FAM53A: variants seen among roughly 807,000 people sequenced by gnomAD.
FAM53A encodes the protein protein FAM53A.
A neutral mutation model predicts 26.6 loss-of-function variants in FAM53A; 28 were observed. The ratio of observed to expected loss-of-function variants is 1.05; its 90% CI spans 0.78 to 1.45. The LOEUF is 1.45. FAM53A is among the 40% of genes most tolerant of loss of function. FAM53A has a pLI of 0.00. For missense variants in FAM53A, 650 were observed against 575.8 expected (o/e 1.13, Z -1.32); for synonymous variants, 290 against 253.1 (o/e 1.15, Z -1.38).
intron 4 of FAM53A, among the ~76,000 whole-genome samples, chr4:1,652,076 TCA>T (rs1255469630): frequency 4.5e-5 from 1 of 22,100 alleles, no homozygotes; most frequent in South Asian, 1.2e-3. Flanking sequence ...CATACACCAG[TCA>T]CACACACATC....
chr4:1,649,887 T>A (rs1481766837), intron 4 of FAM53A, among the ~76,000 whole-genome samples: 2 of 140,508 alleles, frequency 1.4e-5, no homozygotes, highest in African/African-American at 5.5e-5. Flanking sequence ...GTTTGTGAGG[T>A]GGCACAGGCG....
the FAM53A span, among the ~76,000 whole-genome samples, chr4:1,579,888 C>T: frequency 2.0e-5 from 3 of 152,224 alleles, no homozygotes; most frequent in African/African-American, 7.2e-5. Context: ...AAACTTCCTC[C>T]TAACAGCCGC....
the FAM53A span, among the ~76,000 whole-genome samples, chr4:1,589,915 T>A: frequency 6.6e-6 from 1 of 152,232 alleles, no homozygotes; most frequent in Non-Finnish European, 1.5e-5. Context: ...GCTTTTTCTT[T>A]ATTTACATCT....
intron 4 of FAM53A, among the ~76,000 whole-genome samples, chr4:1,643,450 A>G (rs974068213): frequency 6.6e-6 from 1 of 151,974 alleles, no homozygotes; most frequent in Non-Finnish European, 1.5e-5. Context: ...TGGGAGACAG[A>G]GTGAGACTCT....
chr4:1,621,447 A>G (rs1179959120), intron 1 of FAM53A, among the ~76,000 whole-genome samples: 7 of 152,028 alleles, frequency 4.6e-5, no homozygotes, highest in Non-Finnish European at 8.8e-5. Context: ...CCTGTCTAAC[A>G]CTTTCACTCA....
At chr4:1,599,960 TCTCCCTTCCC>T in the FAM53A span, among the ~76,000 whole-genome samples, 10 of 137,874 alleles carry the variant, frequency 7.3e-5, 1 homozygote, top group African/African-American at 2.5e-4. This position sits in a 1 kb window ranked among gnomAD's most constrained non-coding sequence, Gnocchi z 6.1. Flanking sequence ...CTCCTCTCCC[TCTCCCTTCCC>T]CTGATGCAGG....
Position 1,673,914 on chromosome 4 carries a change from G to A in FAM53A, c.-164-5009C>T, listed in dbSNP as rs528737222. On this transcript the variant is annotated intron_variant, in intron 1 of 4. Transcript: ENST00000308132. ...CCCTGCTGGGAGCCCAGGAGACGAC[G>A]GGGATTGTGAGTGCTGGGCAGGGAA... Among the ~76,000 whole-genome samples the A allele has an allele frequency of 1.4e-4, 22 of 152,364 alleles. No homozygotes were observed. The South Asian group carries it at 3.3e-3, about 23-fold the overall frequency.
At chr4:1,596,260 G>A in the FAM53A span, among the ~76,000 whole-genome samples, 3 of 152,214 alleles carry the variant, frequency 2.0e-5, no homozygotes, top group Non-Finnish European at 4.4e-5. Context: ...ACGCTGGGCT[G>A]GCAGGTCCCC....
the FAM53A span, among the ~76,000 whole-genome samples, chr4:1,577,474 T>C: frequency 2.0e-5 from 3 of 152,170 alleles, no homozygotes; most frequent in African/African-American, 7.2e-5. Flanking sequence ...CGTGGACTGC[T>C]GGCCAGAGTG....
At chr4:1,637,026 G>C (rs1026365391), downstream of FAM53A, among the ~76,000 whole-genome samples, 1 of 152,324 alleles carries the variant, frequency 6.6e-6, no homozygotes, top group South Asian at 2.1e-4. Flanking sequence ...AGGAGCTCCC[G>C]CTGCACCAGA....
chr4:1,610,571 G>A, the FAM53A span, among the ~76,000 whole-genome samples: 3 of 152,160 alleles, frequency 2.0e-5, no homozygotes, highest in East Asian at 5.8e-4. Context: ...CAACAGGGAG[G>A]GCAGTGGGGG....
intron 1 of FAM53A, among the ~76,000 whole-genome samples, chr4:1,673,427 C>T (rs1200626564): frequency 6.6e-6 from 1 of 152,200 alleles, no homozygotes; most frequent in Non-Finnish European, 1.5e-5. Context: ...ACGCTCATAA[C>T]TCACAGACTT....
chr4:1,657,500 C>CT, intron 2 of FAM53A, 32 bp from the exon 3 acceptor site: 2 of 1,598,506 alleles, frequency 1.3e-6, no homozygotes, highest in Non-Finnish European at 1.7e-6. Flanking sequence ...AATACTGTGA[C>CT]TGACACGTGA....
chr4:1,577,912 G>A, the FAM53A span, among the ~76,000 whole-genome samples: 1 of 151,936 alleles, frequency 6.6e-6, no homozygotes, highest in African/African-American at 2.4e-5. Context: ...CGGGTCGGGG[G>A]CTGCAGGTGA....
At chr4:1,597,550 G>T in the FAM53A span, among the ~76,000 whole-genome samples, 1 of 152,112 alleles carries the variant, frequency 6.6e-6, no homozygotes, top group Admixed American at 6.5e-5. Flanking sequence ...CCCTCCCTCA[G>T]AACTGACCCA....
the FAM53A span, among the ~76,000 whole-genome samples, chr4:1,594,663 G>A: frequency 2.6e-5 from 4 of 151,932 alleles, no homozygotes; most frequent in Non-Finnish European, 5.9e-5. Flanking sequence ...GGCAACATAG[G>A]GAGACTCCAT....
At chr4:1,582,005 C>G in the FAM53A span, among the ~76,000 whole-genome samples, 1 of 152,134 alleles carries the variant, frequency 6.6e-6, no homozygotes, top group African/African-American at 2.4e-5. Context: ...GATCCTCCTG[C>G]CTTGGCCTCC....
At chr4:1,676,169 G>A (rs1013538442) in intron 1 of FAM53A, among the ~76,000 whole-genome samples, 7 of 152,222 alleles carry the variant, frequency 4.6e-5, no homozygotes, top group Admixed American at 3.3e-4. Context: ...CTGGCCAGCC[G>A]TCCTTGGAGG....
chr4:1,586,439 C>T, the FAM53A span, among the ~76,000 whole-genome samples: 45 of 151,802 alleles, frequency 3.0e-4, no homozygotes, highest in Non-Finnish European at 5.4e-4. Flanking sequence ...AGGTGGTCCA[C>T]CCCCCCAGCC....
Sources: allele counts gnomAD v4.1 joint callset (sites outside exome capture counted in the v4.1 genomes callset), GRCh38; gene constraint gnomAD v4.1.1; non-coding constraint Gnocchi (gnomAD v3.1); transcripts MANE v1.5; gene names NCBI Gene and HGNC (gene_info 2026-07-23, HGNC 2026-07-21).